EFCAB6: variants seen among roughly 807,000 people sequenced by gnomAD.
The protein encoded by EFCAB6 is EF-hand calcium-binding domain-containing protein 6.
EFCAB6 carries 156 observed loss-of-function variants against 169.8 expected under a neutral mutation model. The ratio of observed to expected loss-of-function variants is 0.92; its 90% CI spans 0.81 to 1.05. EFCAB6 has a LOEUF of 1.05. Ranked by LOEUF, EFCAB6 falls within the 50% of genes least tolerant of loss-of-function variation. The probability of loss-of-function intolerance (pLI) is 0.00; values close to 1 mark genes in which losing one functional copy is unlikely to be tolerated. For missense variants in EFCAB6, 1,800 were observed against 1,829.1 expected, an observed-to-expected ratio of 0.98 and a Z score of 0.29; for synonymous variants, 698 against 676.4, an observed-to-expected ratio of 1.03 and a Z score of -0.50.
intron 2 of EFCAB6, among the ~76,000 whole-genome samples, chr22:43,784,624 C>CAT (rs1180826131): frequency 1.2e-4 from 7 of 60,324 alleles, no homozygotes; most frequent in South Asian, 5.0e-4. Flanking sequence ...TATATATACA[C>CAT]ATATATATGT....
rs2059667483 is a variant in EFCAB6, at chr22:43,724,852, A to C, written c.757+6847T>G. Among the ~76,000 whole-genome samples the C allele has an allele frequency of 5.3e-5, 8 of 152,156 alleles. 1 individual carries two copies. The South Asian group carries it at 1.7e-3, about 31-fold the overall frequency. ...CAAATACTTCCAGCCTTTGCCAATTACCTAGTTCCAAAGTTGCTTCCACAT... is the reference window on the plus strand; with the variant it reads ...CAAATACTTCCAGCCTTTGCCAATTCCCTAGTTCCAAAGTTGCTTCCACAT... On this transcript the variant is annotated intron_variant, in intron 8 of 31. Coordinates refer to ENST00000262726, the MANE Select transcript of EFCAB6 (RefSeq NM_022785.4).
intron 2 of EFCAB6, among the ~76,000 whole-genome samples, chr22:43,794,922 T>C (rs987721483): frequency 5.9e-5 from 9 of 152,202 alleles, no homozygotes; most frequent in African/African-American, 2.2e-4. Flanking sequence ...GTCATCTGAA[T>C]TCAATTTAGC....
intron 17 of EFCAB6, among the ~76,000 whole-genome samples, chr22:43,658,145 C>T (rs796378155): frequency 3.9e-5 from 6 of 152,186 alleles, no homozygotes; most frequent in African/African-American, 1.2e-4. Flanking sequence ...AGAAGAATCA[C>T]TTGAACCTGG....
At chr22:43,805,792 T>G (rs1484324019) in intron 2 of EFCAB6, among the ~76,000 whole-genome samples, 1 of 152,208 alleles carries the variant, frequency 6.6e-6, no homozygotes, top group East Asian at 1.9e-4. Context: ...ATTATATGAA[T>G]GTATTAAATT....
chr22:43,588,265 T>A (rs971165447), intron 24 of EFCAB6, among the ~76,000 whole-genome samples: 13 of 152,194 alleles, frequency 8.5e-5, no homozygotes, highest in Non-Finnish European at 1.6e-4. Flanking sequence ...GACATATTTT[T>A]GAAGAAAATA....
chr22:43,795,688 C>T lies in EFCAB6; in HGVS notation c.-8+13307G>A, dbSNP rs1412077489. On this transcript the variant is annotated intron_variant, in intron 2 of 31. Transcript: ENST00000262726. This position sits in a 1 kb window ranked among gnomAD's most constrained non-coding sequence, Gnocchi z 4.2. ...AAATTATGAACTCCATTATAAGCTC[C>T]ATGAAATAAAAGGGTGTGTTTACAC... 6.6e-6 allele frequency among the ~76,000 whole-genome samples: 1 copy of T among 152,116 alleles called. No individual in the cohort carries two copies. The highest frequency in any genetic ancestry group is 1.5e-5 in the Non-Finnish European group (1 of 68,016).
chr22:43,628,152 T>C lies in EFCAB6; in HGVS notation c.2233-1473A>G, dbSNP rs1254330788. Among the ~76,000 whole-genome samples, 1 of 152,040 alleles carries C rather than the reference T, an allele frequency of 6.6e-6. No individual in the cohort carries two copies. Among genetic ancestry groups the C allele is most frequent in the Admixed American group, 6.5e-5 (1 of 15,272 alleles). On this transcript the variant is annotated intron_variant, in intron 19 of 31. Transcript: ENST00000262726. The surrounding 1 kb of genome is among the most constrained non-coding windows in gnomAD (Gnocchi z 4.8). Reference sequence around the variant, plus strand: ...TTTCTCTGGGATGTCAAACTGAACATGGCCCAAATCAAACTCCTGACCTCC... The same window carrying C: ...TTTCTCTGGGATGTCAAACTGAACACGGCCCAAATCAAACTCCTGACCTCC...
chr22:43,770,073 T>G (rs2147956592), intron 4 of EFCAB6, among the ~76,000 whole-genome samples: 1 of 152,246 alleles, frequency 6.6e-6, no homozygotes, highest in East Asian at 1.9e-4. Flanking sequence ...GTCAGGCTGG[T>G]CTCGAACTCC....
At chr22:43,770,536 A>T (rs1164386712) in intron 4 of EFCAB6, among the ~76,000 whole-genome samples, 1 of 152,214 alleles carries the variant, frequency 6.6e-6, no homozygotes, top group Non-Finnish European at 1.5e-5. Flanking sequence ...AAATCTAAGC[A>T]GGTAAAGAGA....
chr22:43,580,891 C>T lies in EFCAB6; in HGVS notation c.3033-232G>A, dbSNP rs186518530. On this transcript the variant is annotated intron_variant, in intron 24 of 31. Coordinates refer to ENST00000262726, the MANE Select transcript of EFCAB6 (RefSeq NM_022785.4). ...GAGAGGTGAGAGTGCAGTTCACTGA[C>T]GGCCGGAGGGCCACAGCTGCCCGAC... Among the ~76,000 whole-genome samples the T allele has an allele frequency of 1.3e-4, 20 of 152,332 alleles. No homozygotes were observed. The South Asian group carries it at 2.9e-3, about 22-fold the overall frequency.
intron 17 of EFCAB6, among the ~76,000 whole-genome samples, chr22:43,640,385 T>G (rs965272360): frequency 6.6e-5 from 10 of 152,218 alleles, no homozygotes; most frequent in African/African-American, 1.2e-4. Context: ...AGTTTGAGTG[T>G]GTTGGGCTGC....
At position 43,530,850 on chromosome 22, in the gene EFCAB6, C is replaced by T; in HGVS notation, c.4348G>A (p.Gly1450Arg). ...TCTGCGACGCTTAGCAGCCCTGTTC[C>T]AGCCTCATCATAGCTTTTGAACGTG... The part of the protein sequence containing the change: ...RRTFKSYDEA[G>R]TGLLSVADFR... Residue 1450 changes from glycine to arginine, a missense_variant, in exon 31 of 32, where the codon GGA (glycine) becomes AGA (arginine). Transcript: ENST00000262726. The T allele has an allele frequency of 1.2e-6, 2 of 1,614,150 alleles. No individual in the cohort carries two copies. Among genetic ancestry groups the T allele is most frequent in the Non-Finnish European group, 1.7e-6 (2 of 1,180,048 alleles).
At chr22:43,638,334 C>T (rs1391987705) in intron 17 of EFCAB6, among the ~76,000 whole-genome samples, 1 of 152,212 alleles carries the variant, frequency 6.6e-6, no homozygotes, top group Non-Finnish European at 1.5e-5. Flanking sequence ...TTCCTTTGGT[C>T]TTTTCTAGGA....
At chr22:43,548,539 C>CAAAAAAAAAAAAAAAAAAAAAAAAA (rs397868076) in intron 27 of EFCAB6, among the ~76,000 whole-genome samples, 3 of 36,750 alleles carry the variant, frequency 8.2e-5, no homozygotes, top group Non-Finnish European at 1.4e-4. Context: ...GAATCCATCT[C>CAAAAAAAAAAAAAAAAAAAAAAAAA]AAAAAAAAAA....
intron 8 of EFCAB6, among the ~76,000 whole-genome samples, chr22:43,730,449 G>C (rs2059906978): frequency 6.6e-6 from 1 of 151,278 alleles, no homozygotes; most frequent in African/African-American, 2.4e-5. Context: ...GGGGAGATGT[G>C]ACCTGTGGAC....
chr22:43,805,156 A>G lies in EFCAB6; in HGVS notation c.-8+3839T>C, dbSNP rs61467692. On this transcript the variant is annotated intron_variant, in intron 2 of 31. Transcript: ENST00000262726. ...ATATAAAATACCTAAGAATCAATTT[A>G]ACCAACGAAATCAAAGATTGATACA... Among the ~76,000 whole-genome samples, 135 of 152,378 alleles carry G rather than the reference A, an allele frequency of 8.9e-4. 1 individual carries two copies. Among genetic ancestry groups the G allele is most frequent in the African/African-American group, 2.9e-3 (120 of 41,596 alleles).
chr22:43,623,739 C>CAA (rs137720), intron 20 of EFCAB6, among the ~76,000 whole-genome samples: 1,229 of 95,222 alleles, frequency 0.013, 14 homozygotes, highest in Non-Finnish European at 0.016. Flanking sequence ...ACTAAAAATA[C>CAA]AAAAAAAAAA....
intron 27 of EFCAB6, among the ~76,000 whole-genome samples, chr22:43,545,238 C>T (rs1278714293): frequency 6.6e-6 from 1 of 151,742 alleles, no homozygotes; most frequent in Admixed American, 6.5e-5. Flanking sequence ...TTTCAGTGGC[C>T]AGGTTTCATG....
At chr22:43,536,857 A>C (rs1371090946) in intron 29 of EFCAB6, 1 of 152,940 alleles carries the variant, frequency 6.5e-6, no homozygotes, top group Non-Finnish European at 1.5e-5. Flanking sequence ...AAACAAACAA[A>C]AAACCAAAAA....
Sources: allele counts gnomAD v4.1 joint callset (sites outside exome capture counted in the v4.1 genomes callset), GRCh38; gene constraint gnomAD v4.1.1; non-coding constraint Gnocchi (gnomAD v3.1); transcripts MANE v1.5; gene names NCBI Gene and HGNC (gene_info 2026-07-23, HGNC 2026-07-21).